Variants in CUX2 observed in about 807,000 individuals in gnomAD.
CUX2 encodes the protein homeobox protein cut-like 2.
Under a neutral mutation model 144.8 loss-of-function variants are expected in CUX2, and 40 were observed. The ratio of observed to expected loss-of-function variants is 0.28; its 90% confidence interval spans 0.21 to 0.36. The LOEUF (loss-of-function observed/expected upper bound fraction) is 0.36. Among genes scored for constraint, CUX2 ranks in the 10% least tolerant of loss-of-function variants. The probability of loss-of-function intolerance (pLI) is 1.00; values close to 1 mark genes in which losing one functional copy is unlikely to be tolerated. For synonymous variants in CUX2, 827 were observed against 875.6 expected (o/e 0.94, Z 0.98); for missense variants, 1,615 against 1,994.0 (o/e 0.81, Z 3.62).
chr12:111,127,840 G>A (rs1249052707), intron 1 of CUX2, among the ~76,000 whole-genome samples: 1 of 152,216 alleles, frequency 6.6e-6, no homozygotes, highest in African/African-American at 2.4e-5. Flanking sequence ...CTTACATGGT[G>A]GCAGGAAAGA....
At chr12:111,152,227 A>G (rs1482672291) in intron 1 of CUX2, among the ~76,000 whole-genome samples, 1 of 152,144 alleles carries the variant, frequency 6.6e-6, no homozygotes. Flanking sequence ...GGAGGTTGCA[A>G]TGAGCCAAGA....
chr12:111,225,442 T>A (rs1037884120), intron 3 of CUX2, among the ~76,000 whole-genome samples: 2 of 152,214 alleles, frequency 1.3e-5, no homozygotes, highest in African/African-American at 4.8e-5. Context: ...GCGGGATGCC[T>A]GTTGTGTCAC....
Position 111,276,101 on chromosome 12 carries a change from A to T in CUX2, c.301+12262A>T, listed in dbSNP as rs145342497. On this transcript the variant is annotated intron_variant, in intron 4 of 21. Coordinates refer to ENST00000261726, the MANE Select transcript of CUX2 (RefSeq NM_015267.4). ...GGCACACTAGCTCATGCCTGTAATCAAAGCACTTTGGAAGGCTGAGGCGGG... is the reference window on the plus strand; with the variant it reads ...GGCACACTAGCTCATGCCTGTAATCTAAGCACTTTGGAAGGCTGAGGCGGG... Among the ~76,000 whole-genome samples the T allele has an allele frequency of 3.9e-3, 596 of 152,254 alleles. 5 individuals are homozygous for T. Among genetic ancestry groups the T allele is most frequent in the African/African-American group, 0.014 (573 of 41,560 alleles).
intron 1 of CUX2, among the ~76,000 whole-genome samples, chr12:111,086,213 A>G (rs750907282): frequency 6.6e-6 from 1 of 152,178 alleles, no homozygotes; most frequent in South Asian, 2.1e-4. Context: ...GTGGTTAAAT[A>G]TTTCTATTAT....
In CUX2 at chr12:111,077,729, G is replaced by T. The variant is rs568993399; in HGVS notation, c.63+43489G>T. 1.7e-4 allele frequency among the ~76,000 whole-genome samples: 26 copies of T among 152,150 alleles called. No homozygotes were observed. Among genetic ancestry groups the T allele is most frequent in the African/African-American group, 6.3e-4 (26 of 41,550 alleles). ...AGTGTTTGTTTTTTGGGGGCCATACGCAAATTCCCACCCAGATCCCTCCTC... is the reference window on the plus strand; with the variant it reads ...AGTGTTTGTTTTTTGGGGGCCATACTCAAATTCCCACCCAGATCCCTCCTC... On this transcript the variant is annotated intron_variant, in intron 1 of 21. Transcript: ENST00000261726. This position sits in a 1 kb window ranked among gnomAD's most constrained non-coding sequence, Gnocchi z 4.1.
intron 3 of CUX2, among the ~76,000 whole-genome samples, chr12:111,224,383 C>T (rs1298121069): frequency 6.6e-6 from 1 of 152,030 alleles, no homozygotes; most frequent in Non-Finnish European, 1.5e-5. Context: ...GTGCACATCC[C>T]TCCCTGCTCT....
At chr12:111,318,171 T>G (rs1887290182) in intron 16 of CUX2, among the ~76,000 whole-genome samples, 1 of 150,990 alleles carries the variant, frequency 6.6e-6, no homozygotes, top group Admixed American at 6.6e-5. Flanking sequence ...CCTCCCAGGA[T>G]CAAGTGATCC....
chr12:111,334,379 C>G (rs1221952842), intron 18 of CUX2, 62 bp from the exon 19 acceptor site: 2 of 1,504,004 alleles, frequency 1.3e-6, no homozygotes, highest in Non-Finnish European at 8.9e-7. Flanking sequence ...GCAAGCCTCC[C>G]GAAAGTGGAT....
chr12:111,237,151 T>C (rs1882796242), intron 3 of CUX2, among the ~76,000 whole-genome samples: 1 of 152,044 alleles, frequency 6.6e-6, no homozygotes, highest in South Asian at 2.1e-4. Context: ...CCTGTCTCTG[T>C]AAACAATAAT....
rs1883780683 is a variant in CUX2, at chr12:111,255,685, T to C, written c.223-8076T>C. The stretch of plus-strand genomic sequence containing the variant: ...CGACATCTTCATCTGTTAAATGGGA[T>C]AGTCACACCCGCAGCGTGATGAGGG... On this transcript the variant is annotated intron_variant, in intron 3 of 21. Transcript: ENST00000261726. The surrounding 1 kb of genome is among the most constrained non-coding windows in gnomAD (Gnocchi z 4.1). 6.6e-6 allele frequency among the ~76,000 whole-genome samples: 1 copy of C among 152,156 alleles called. No homozygotes were observed. The highest frequency in any genetic ancestry group is 1.9e-4 in the East Asian group (1 of 5,196).
intron 3 of CUX2, among the ~76,000 whole-genome samples, chr12:111,223,976 T>C (rs770234944): frequency 7.2e-4 from 109 of 152,300 alleles, no homozygotes; most frequent in Non-Finnish European, 3.2e-4. Context: ...TCTGTCTTTA[T>C]GCATCTGCCT....
rs186396779 is a variant in CUX2 at position 111,091,967 on chromosome 12, G to A, written c.63+57727G>A. On this transcript the variant is annotated intron_variant, in intron 1 of 21. Transcript: ENST00000261726. ...TTAACATAACTGATTAAATCCACCC[G>A]CCTTGGCCTCCCAAAGTGCTGGGAC... Among the ~76,000 whole-genome samples the A allele has an allele frequency of 6.6e-5, 10 of 152,298 alleles. No individual in the cohort carries two copies. The East Asian group carries it at 1.9e-3, about 29-fold the overall frequency.
chr12:111,119,448 A>AT (rs1163755830), intron 1 of CUX2, among the ~76,000 whole-genome samples: 19 of 151,402 alleles, frequency 1.3e-4, no homozygotes, highest in Admixed American at 1.2e-3. Context: ...TAAAAAAAAA[A>AT]TTTTTTTTCT....
intron 1 of CUX2, among the ~76,000 whole-genome samples, chr12:111,176,658 A>G (rs565164519): frequency 6.6e-5 from 10 of 152,166 alleles, no homozygotes; most frequent in Middle Eastern, 3.4e-3. Flanking sequence ...TCCAGGCTCT[A>G]TTTTCCCTCC....
intron 1 of CUX2, among the ~76,000 whole-genome samples, chr12:111,126,915 C>T (rs181808940): frequency 1.2e-3 from 188 of 152,318 alleles, no homozygotes; most frequent in African/African-American, 4.4e-3. Context: ...ACCAAAAATG[C>T]ACTAACTCCT....
intron 1 of CUX2, among the ~76,000 whole-genome samples, chr12:111,132,811 G>T (rs547004847): frequency 1.3e-5 from 2 of 151,840 alleles, no homozygotes; most frequent in Non-Finnish European, 2.9e-5. Flanking sequence ...CAGGTGATGC[G>T]CCTGCCTCGG....
chr12:111,159,763 G>A (rs1396621539), intron 1 of CUX2, among the ~76,000 whole-genome samples: 2 of 152,186 alleles, frequency 1.3e-5, no homozygotes, highest in African/African-American at 4.8e-5. Context: ...AGTGGGTCAC[G>A]CCTGTAATCC....
intron 15 of CUX2, among the ~76,000 whole-genome samples, chr12:111,311,535 C>T (rs1460280855): frequency 2.0e-5 from 3 of 151,930 alleles, no homozygotes; most frequent in Non-Finnish European, 2.9e-5. Flanking sequence ...GTAATCCACC[C>T]GCCTTGGACT....
chr12:111,225,931 C>T (rs1882112343), intron 3 of CUX2, among the ~76,000 whole-genome samples: 1 of 152,166 alleles, frequency 6.6e-6, no homozygotes, highest in East Asian at 1.9e-4. Flanking sequence ...GGCCTCCCAT[C>T]CTCTCTACTG....
Sources: gnomAD v4.1 joint callset for allele counts (sites outside exome capture counted in the v4.1 genomes callset) on GRCh38, gnomAD v4.1.1 for gene constraint, Gnocchi (gnomAD v3.1) non-coding constraint, MANE v1.5 for transcripts, NCBI Gene and HGNC (gene_info 2026-07-23, HGNC 2026-07-21) for gene names.